Variants in CCBE1 observed in about 807,000 individuals in gnomAD.
CCBE1 encodes collagen and calcium-binding EGF domain-containing protein 1.
A neutral mutation model predicts 50.0 loss-of-function variants in CCBE1; 37 were observed. The ratio of observed to expected loss-of-function variants is 0.74; its 90% CI spans 0.57 to 0.97. The LOEUF (loss-of-function observed/expected upper bound fraction) is 0.97. CCBE1 is among the 50% of genes least tolerant of loss of function. CCBE1 has a pLI of 0.00. For missense variants in CCBE1, 538 were observed against 523.8 expected, an observed-to-expected ratio of 1.03 and a Z score of -0.26; for synonymous variants, 234 against 203.7, an observed-to-expected ratio of 1.15 and a Z score of -1.27.
chr18:59,529,649 C>G (rs367982187), intron 2 of CCBE1, among the ~76,000 whole-genome samples: 1 of 152,294 alleles, frequency 6.6e-6, no homozygotes, highest in African/African-American at 2.4e-5. Flanking sequence ...GGTCTCTCCA[C>G]CCTGTTTTCA....
At chr18:59,677,233 C>G (rs953564604) in intron 2 of CCBE1, among the ~76,000 whole-genome samples, 3 of 152,098 alleles carry the variant, frequency 2.0e-5, no homozygotes, top group African/African-American at 7.2e-5. Context: ...CAAAAAGTCC[C>G]AAACTGGATA....
intron 2 of CCBE1, among the ~76,000 whole-genome samples, chr18:59,621,179 T>A (rs2053705493): frequency 6.6e-6 from 1 of 152,214 alleles, no homozygotes; most frequent in Non-Finnish European, 1.5e-5. Flanking sequence ...TATCACTCAC[T>A]GGGGCACCCA....
At chr18:59,483,648 C>G (rs1270730356) in intron 2 of CCBE1, among the ~76,000 whole-genome samples, 1 of 152,106 alleles carries the variant, frequency 6.6e-6, no homozygotes, top group African/African-American at 2.4e-5. Flanking sequence ...AAAGTTCATA[C>G]AATTGTTAAA....
intron 2 of CCBE1, among the ~76,000 whole-genome samples, chr18:59,520,986 A>G (rs1914575060): frequency 6.6e-6 from 1 of 152,240 alleles, no homozygotes; most frequent in African/African-American, 2.4e-5. Context: ...ATAACTATAA[A>G]GCTATTTATT....
At chr18:59,550,122 CTG>C (rs1413986685) in intron 2 of CCBE1, among the ~76,000 whole-genome samples, 11 of 152,098 alleles carry the variant, frequency 7.2e-5, no homozygotes, top group African/African-American at 2.7e-4. Flanking sequence ...TACCTGGAGA[CTG>C]TGTCATCATT....
chr18:59,542,041 T>C (rs1364952995), intron 2 of CCBE1, among the ~76,000 whole-genome samples: 1 of 151,668 alleles, frequency 6.6e-6, no homozygotes, highest in Admixed American at 6.6e-5. Context: ...CCGGGTATGG[T>C]AGCACGTCTG....
intron 2 of CCBE1, among the ~76,000 whole-genome samples, chr18:59,569,276 CCTT>C (rs561881317): frequency 2.6e-5 from 4 of 152,122 alleles, no homozygotes; most frequent in Non-Finnish European, 5.9e-5. Flanking sequence ...ACCGAAGACT[CCTT>C]CTAAATCTGT....
intron 5 of CCBE1, among the ~76,000 whole-genome samples, chr18:59,455,828 GAC>G (rs1911166824): frequency 6.6e-6 from 1 of 152,232 alleles, no homozygotes. Context: ...AGGCAGGCAG[GAC>G]AGTTTGACAC....
chr18:59,628,368 G>A (rs1282522944), intron 2 of CCBE1, among the ~76,000 whole-genome samples: 2 of 152,018 alleles, frequency 1.3e-5, no homozygotes. Flanking sequence ...GATTCTCTTG[G>A]GACAAAATGG....
intron 2 of CCBE1, among the ~76,000 whole-genome samples, chr18:59,693,045 T>G (rs1036248189): frequency 6.6e-6 from 1 of 152,038 alleles, no homozygotes; most frequent in Non-Finnish European, 1.5e-5. Context: ...TCTTGTTTTC[T>G]GTGGTGAAGG....
intron 2 of CCBE1, among the ~76,000 whole-genome samples, chr18:59,566,783 CA>C (rs1368584313): frequency 1.3e-5 from 2 of 151,868 alleles, no homozygotes; most frequent in East Asian, 1.9e-4. Context: ...TTTTTTTGTC[CA>C]ACCCCCACCC....
intron 5 of CCBE1, among the ~76,000 whole-genome samples, chr18:59,461,878 G>A (rs956062287): frequency 1.3e-5 from 2 of 151,772 alleles, no homozygotes; most frequent in East Asian, 1.9e-4. Flanking sequence ...GATTACAGGC[G>A]CCTGCCACCA....
intron 2 of CCBE1, among the ~76,000 whole-genome samples, chr18:59,559,537 T>C (rs2052704646): frequency 2.0e-5 from 3 of 152,130 alleles, no homozygotes; most frequent in Non-Finnish European, 4.4e-5. Context: ...CGCAACCCAG[T>C]CCCATCCAAG....
intron 2 of CCBE1, among the ~76,000 whole-genome samples, chr18:59,589,789 T>G (rs1203437154): frequency 4.6e-5 from 2 of 43,352 alleles, no homozygotes; most frequent in Non-Finnish European, 7.0e-5. Context: ...AGACTCCATC[T>G]CAAAAAAAAA....
In CCBE1 at chr18:59,434,130, T is replaced by TC. The variant is rs1255156112; in HGVS notation, c.*1777dup. The TC allele has an allele frequency of 1.4e-5, 2 of 145,456 alleles. No individual in the cohort carries two copies. Among genetic ancestry groups the TC allele is most frequent in the Non-Finnish European group, 3.0e-5 (2 of 65,964 alleles). 9.0% of individuals were successfully genotyped at this position (145,456 alleles called of 1,614,324 possible). ...GTCTCGATCTCCTGACCTTGTGATC[T>TC]CCCCGCCTCAGCCTCCCAAAGTGCT... On this transcript the variant is annotated 3_prime_UTR_variant, in exon 11 of 11. Transcript: ENST00000439986.
chr18:59,645,052 G>A (rs1187554805), intron 2 of CCBE1, among the ~76,000 whole-genome samples: 2 of 152,174 alleles, frequency 1.3e-5, no homozygotes, highest in East Asian at 1.9e-4. Flanking sequence ...TCAGGAGATC[G>A]AGACCATCCT....
intron 10 of CCBE1, among the ~76,000 whole-genome samples, chr18:59,437,110 C>T (rs1910193337): frequency 6.6e-6 from 1 of 152,182 alleles, no homozygotes; most frequent in African/African-American, 2.4e-5. Flanking sequence ...AAGGTCCAAA[C>T]AAAATCTTCC....
intron 2 of CCBE1, among the ~76,000 whole-genome samples, chr18:59,500,422 G>T (rs1360610497): frequency 6.6e-6 from 1 of 152,200 alleles, no homozygotes. Flanking sequence ...GCTTGTTGGT[G>T]TCTTTCTGCT....
intron 2 of CCBE1, among the ~76,000 whole-genome samples, chr18:59,526,287 G>C (rs1239774592): frequency 1.3e-5 from 2 of 149,124 alleles, no homozygotes; most frequent in Non-Finnish European, 3.0e-5. Context: ...TTTTAGTTGT[G>C]ATGTTAGGAT....
Sources: gnomAD v4.1 joint callset for allele counts (sites outside exome capture counted in the v4.1 genomes callset) on GRCh38, gnomAD v4.1.1 for gene constraint, MANE v1.5 for transcripts, NCBI Gene and HGNC (gene_info 2026-07-23, HGNC 2026-07-21) for gene names.